The following KIAA1958 variants were observed in gnomAD, a reference collection of about 807,000 sequenced individuals.
KIAA1958 encodes uncharacterized protein KIAA1958.
In KIAA1958, 14 loss-of-function variants were observed where a neutral mutation model predicts 47.2. That is an observed-to-expected ratio of 0.30 (90% CI 0.20 to 0.46). KIAA1958 has a LOEUF of 0.46. KIAA1958 is among the 20% of genes least tolerant of loss of function. The probability of loss-of-function intolerance (pLI) is 1.00; values close to 1 mark genes in which losing one functional copy is unlikely to be tolerated. For missense variants in KIAA1958, 803 were observed against 909.2 expected, an observed-to-expected ratio of 0.88 and a Z score of 1.50; for synonymous variants, 354 against 353.3, an observed-to-expected ratio of 1.00 and a Z score of -0.02.
chr9:112,614,365 T>C (rs963182461), intron 2 of KIAA1958, among the ~76,000 whole-genome samples: 2 of 152,146 alleles, frequency 1.3e-5, no homozygotes, highest in African/African-American at 4.8e-5. Context: ...TTTGTGAAAA[T>C]TAATCACATG....
intron 2 of KIAA1958, among the ~76,000 whole-genome samples, chr9:112,626,065 G>A (rs10125296): frequency 0.013 from 1,951 of 152,180 alleles, 31 homozygotes; most frequent in African/African-American, 0.04. Context: ...AAAGTTTTGG[G>A]ACATATCCTC....
At chr9:112,489,613 G>C (rs189169025) in intron 1 of KIAA1958, among the ~76,000 whole-genome samples, 34 of 152,048 alleles carry the variant, frequency 2.2e-4, no homozygotes, top group Non-Finnish European at 4.1e-4. Context: ...AGTTGGTGTT[G>C]AGGAAAGCAT....
chr9:112,513,609 C>G (rs897495900), intron 1 of KIAA1958, among the ~76,000 whole-genome samples: 2 of 132,056 alleles, frequency 1.5e-5, no homozygotes, highest in Non-Finnish European at 3.2e-5. Context: ...CGCGACCGAC[C>G]GCAGCCGCCG....
Position 112,665,200 on chromosome 9 carries a change from G to T in KIAA1958, c.*5131G>T, listed in dbSNP as rs1016312471. ...CCATTGAGGTGAGAATGGGCTCCTA[G>T]ATACTTGGTGGTCAATAGAACTGAT... On this transcript the variant is annotated 3_prime_UTR_variant, in exon 4 of 4. Coordinates refer to ENST00000337530, the MANE Select transcript of KIAA1958 (RefSeq NM_133465.4). 6.6e-6 allele frequency: 1 copy of T among 152,128 alleles called. No individual in the cohort carries two copies. The allele number at this position is 152,128 out of a possible 1,614,324, so 9.4% of individuals were successfully genotyped here.
At chr9:112,650,208 G>A (rs1837034432) in intron 3 of KIAA1958, among the ~76,000 whole-genome samples, 6 of 151,766 alleles carry the variant, frequency 4.0e-5, no homozygotes, top group Admixed American at 3.9e-4. Flanking sequence ...ATGAACCAAA[G>A]CTGAGAGAAT....
chr9:112,530,148 T>TC (rs1834730299), intron 1 of KIAA1958, among the ~76,000 whole-genome samples: 2 of 152,222 alleles, frequency 1.3e-5, no homozygotes, highest in African/African-American at 4.8e-5. Flanking sequence ...CGGCCTAGAC[T>TC]CCACTTTCTT....
At chr9:112,533,586 A>ACCC (rs1564162375) in intron 1 of KIAA1958, among the ~76,000 whole-genome samples, 59 of 13,740 alleles carry the variant, frequency 4.3e-3, no homozygotes, top group South Asian at 0.013. Context: ...ATCCCAAAAA[A>ACCC]AAAAAAAAAA....
At chr9:112,567,244 T>C (rs1835441230) in intron 1 of KIAA1958, among the ~76,000 whole-genome samples, 1 of 152,026 alleles carries the variant, frequency 6.6e-6, no homozygotes, top group African/African-American at 2.4e-5. Context: ...CAAACAAAAA[T>C]AAGAAAAAAC....
intron 2 of KIAA1958, among the ~76,000 whole-genome samples, chr9:112,585,825 C>G (rs1007711016): frequency 6.6e-6 from 1 of 152,186 alleles, no homozygotes; most frequent in Non-Finnish European, 1.5e-5. Flanking sequence ...GAAAGGTCTT[C>G]AGGGCACAGA....
intron 1 of KIAA1958, among the ~76,000 whole-genome samples, chr9:112,544,459 G>A (rs1564166408): frequency 6.6e-6 from 1 of 152,140 alleles, no homozygotes; most frequent in Non-Finnish European, 1.5e-5. Context: ...TTCTGACACA[G>A]CACAGTGCTT....
At chr9:112,521,975 T>A (rs1416817731) in intron 1 of KIAA1958, among the ~76,000 whole-genome samples, 1 of 151,486 alleles carries the variant, frequency 6.6e-6, no homozygotes, top group Admixed American at 6.6e-5. Context: ...ATTTATTTAT[T>A]TATTTATTTA....
rs1206432690 is a variant in KIAA1958, at chr9:112,659,819, A to G, written c.1901A>G (p.Tyr634Cys). 2.5e-6 allele frequency: 4 copies of G among 1,613,988 alleles called. No individual in the cohort carries two copies. In the African/African-American group the frequency reaches 5.3e-5, roughly 22 times the overall value. ...AAACAGTGCCCTTACTGCCTCCTCTACAAGTACATGTACATCCACCGGCCG... is the reference window on the plus strand; with the variant it reads ...AAACAGTGCCCTTACTGCCTCCTCTGCAAGTACATGTACATCCACCGGCCG... ...GHKQCPYCLL[Y>C]KYMYIHRPPT... The change falls in exon 4 of 4, where the codon TAC becomes TGC. Residue 634 changes from tyrosine to cysteine, a missense_variant. Physicochemically the swap from Tyr to Cys is radical, Grantham distance 194. Around this residue, in one of 2 missense-constraint regions of KIAA1958, gnomAD observed 761 missense variants for 829.3 expected, o/e 0.92. Transcript: ENST00000337530.
intron 2 of KIAA1958, among the ~76,000 whole-genome samples, chr9:112,625,495 G>A (rs1235748128): frequency 1.3e-5 from 2 of 152,058 alleles, no homozygotes; most frequent in African/African-American, 2.4e-5. Context: ...CCAGAGAAAG[G>A]AGGTGAATGC....
intron 1 of KIAA1958, among the ~76,000 whole-genome samples, chr9:112,546,783 G>T (rs1380480412): frequency 6.6e-6 from 1 of 151,958 alleles, no homozygotes; most frequent in Non-Finnish European, 1.5e-5. Context: ...CACTCTCTCT[G>T]CCCTGTGTAA....
In KIAA1958 at chr9:112,562,184, G is replaced by T. The variant is rs537700469; in HGVS notation, c.-24-11873G>T. ...TAGTTACATGGTAGACCACCAAAAT[G>T]GGGGGAAAGCCCCTAATTTCAGGTG... On this transcript the variant is annotated intron_variant, in intron 1 of 3. Transcript: ENST00000337530. Among the ~76,000 whole-genome samples the T allele has an allele frequency of 2.6e-5, 4 of 152,238 alleles. No homozygotes were observed. The East Asian group carries it at 7.7e-4, about 29-fold the overall frequency.
chr9:112,605,490 T>TA (rs1421657372), intron 2 of KIAA1958, among the ~76,000 whole-genome samples: 2 of 152,152 alleles, frequency 1.3e-5, no homozygotes, highest in Non-Finnish European at 2.9e-5. Flanking sequence ...CCTTCCTACT[T>TA]ACACAAAGCA....
chr9:112,512,071 T>A (rs1238535723), intron 1 of KIAA1958, among the ~76,000 whole-genome samples: 1 of 152,222 alleles, frequency 6.6e-6, no homozygotes, highest in East Asian at 1.9e-4. Flanking sequence ...CAGATGGCTT[T>A]GCTATGGAAT....
intron 2 of KIAA1958, among the ~76,000 whole-genome samples, chr9:112,620,825 TAAG>T (rs1001256449): frequency 2.5e-4 from 38 of 151,900 alleles, no homozygotes; most frequent in African/African-American, 8.9e-4. Flanking sequence ...AAAACACAGA[TAAG>T]GATAAAGAAA....
intron 2 of KIAA1958, among the ~76,000 whole-genome samples, chr9:112,626,180 A>G (rs541022757): frequency 2.6e-5 from 4 of 152,340 alleles, no homozygotes; most frequent in African/African-American, 9.6e-5. Flanking sequence ...AGAGGCCTAC[A>G]GTAAGTAGAT....
Sources: gnomAD v4.1 joint callset for allele counts (sites outside exome capture counted in the v4.1 genomes callset) on GRCh38, gnomAD v4.1.1 for gene constraint, gnomAD v4.1.1 regional missense constraint, MANE v1.5 for transcripts, NCBI Gene and HGNC (gene_info 2026-07-23, HGNC 2026-07-21) for gene names.